The following XKR4 variants were observed in gnomAD, a reference collection of about 807,000 sequenced individuals.
XKR4 encodes XK-related protein 4.
In XKR4, 12 loss-of-function variants were observed where a neutral mutation model predicts 53.9. The observed-to-expected ratio is 0.22, with a 90% confidence interval of 0.14 to 0.36. The LOEUF is 0.36. XKR4 is among the 10% of genes least tolerant of loss of function. The pLI is 1.00. For synonymous variants in XKR4, 354 were observed against 362.4 expected, an observed-to-expected ratio of 0.98 and a Z score of 0.26; for missense variants, 799 against 859.5, an observed-to-expected ratio of 0.93 and a Z score of 0.88.
intron 1 of XKR4, among the ~76,000 whole-genome samples, chr8:55,279,394 T>G (rs1488168127): frequency 6.6e-6 from 1 of 152,162 alleles, no homozygotes; most frequent in East Asian, 1.9e-4. Context: ...TGGGAGCACT[T>G]TCAGTGGCTC....
intron 2 of XKR4, chr8:55,450,942 C>T (rs1201665162): frequency 4.1e-6 from 2 of 492,622 alleles, no homozygotes; most frequent in African/African-American, 4.0e-5. Context: ...CTCCAGCAAG[C>T]GCAGGAAGGA....
chr8:55,308,542 G>T (rs1465621126), intron 1 of XKR4, among the ~76,000 whole-genome samples: 40 of 146,562 alleles, frequency 2.7e-4, no homozygotes, highest in South Asian at 1.3e-3. Flanking sequence ...CCTCCCACCA[G>T]GTCCCTCCCT....
intron 1 of XKR4, among the ~76,000 whole-genome samples, chr8:55,130,305 C>T (rs1816536376): frequency 6.6e-6 from 1 of 152,210 alleles, no homozygotes; most frequent in Non-Finnish European, 1.5e-5. Flanking sequence ...ACAGAGTGTT[C>T]TGCTAAGGTG....
At chr8:55,323,968 C>G (rs1251744741) in intron 1 of XKR4, among the ~76,000 whole-genome samples, 2 of 151,870 alleles carry the variant, frequency 1.3e-5, no homozygotes, top group African/African-American at 4.8e-5. Flanking sequence ...TGCTTTCATT[C>G]CTCTGCTAGG....
chr8:55,155,967 C>T (rs1322915931), intron 1 of XKR4, among the ~76,000 whole-genome samples: 3 of 152,166 alleles, frequency 2.0e-5, no homozygotes, highest in South Asian at 2.1e-4. Context: ...CAAGAACTCA[C>T]ACACAAAAAA....
intron 1 of XKR4, among the ~76,000 whole-genome samples, chr8:55,236,642 C>T (rs1818131320): frequency 6.6e-6 from 1 of 152,208 alleles, no homozygotes; most frequent in Non-Finnish European, 1.5e-5. Flanking sequence ...CCTCTGTCAT[C>T]ACACCTGCCC....
At chr8:55,399,089 G>A (rs910806840) in intron 2 of XKR4, among the ~76,000 whole-genome samples, 2 of 152,220 alleles carry the variant, frequency 1.3e-5, no homozygotes, top group African/African-American at 2.4e-5. Flanking sequence ...AGTAGCGAGT[G>A]TTGTTCTTTA....
intron 1 of XKR4, among the ~76,000 whole-genome samples, chr8:55,181,451 T>C (rs1468862359): frequency 3.3e-5 from 5 of 152,192 alleles, no homozygotes; most frequent in Non-Finnish European, 7.3e-5. Context: ...CTGTCCTCCT[T>C]CCTTTCATCC....
In XKR4 at chr8:55,299,009, T is replaced by C. The variant is rs1338267241; in HGVS notation, c.807-58669T>C. Among the ~76,000 whole-genome samples the C allele has an allele frequency of 3.9e-5, 6 of 152,180 alleles. No homozygotes were observed. The East Asian group carries it at 1.2e-3, about 29-fold the overall frequency. On this transcript the variant is annotated intron_variant, in intron 1 of 2. Transcript: ENST00000327381. ...TCTGATTTACAGTCCACATTCTATG[T>C]TGTCAATTGTCTGGCCCTTCCTTAC...
rs746238764 is a variant in XKR4, at chr8:55,523,480, G to A, written c.1206G>A (p.Gly402=). The change falls in exon 3 of 3, where the codon GGG becomes GGA. Residue 402 remains glycine (G), a synonymous_variant. Transcript: ENST00000327381. The stretch of plus-strand genomic sequence containing the variant: ...CCTCGGTTTTCCAGCTGTACTTTGG[G>A]ATCTTCATCGTCCTTCACTGGTGCA... ...LFASVFQLYF[G]IFIVLHWCIM... is the part of the protein sequence containing the mutation. The A allele has an allele frequency of 6.2e-7, 1 of 1,614,186 alleles. No homozygotes were observed. The highest frequency in any genetic ancestry group is 8.5e-7 in the Non-Finnish European group (1 of 1,180,040).
At chr8:55,265,023 G>A (rs1336952372) in intron 1 of XKR4, among the ~76,000 whole-genome samples, 2 of 152,176 alleles carry the variant, frequency 1.3e-5, no homozygotes, top group Non-Finnish European at 2.9e-5. Context: ...CTTAAATTAT[G>A]ACTTTGAAGC....
intron 2 of XKR4, among the ~76,000 whole-genome samples, chr8:55,498,098 T>C (rs1414657685): frequency 6.6e-6 from 1 of 152,216 alleles, no homozygotes; most frequent in Non-Finnish European, 1.5e-5. Flanking sequence ...TGTCTTGATA[T>C]TCTTAATAAT....
Position 55,289,646 on chromosome 8 carries a change from A to AAAGAAAGGAAGGAAGGAAGG in XKR4, c.807-68029_807-68028insAAAGGAAGGAAGGAAGGAAG, listed in dbSNP as rs1221597017. On this transcript the variant is annotated intron_variant, in intron 1 of 2. Transcript: ENST00000327381. ...GAAAGAAAGAAAGAAAGAAAGAAAG[A>AAAGAAAGGAAGGAAGGAAGG]AAGGAAGGAAGGAAAAGAAAAGAAA... 6.1e-4 allele frequency among the ~76,000 whole-genome samples: 53 copies of AAAGAAAGGAAGGAAGGAAGG among 86,990 alleles called. 1 individual carries two copies. The highest frequency in any genetic ancestry group is 2.5e-3 in the African/African-American group (45 of 17,734). 57.1% of individuals were successfully genotyped at this position (86,990 alleles called of 152,430 possible).
intron 1 of XKR4, among the ~76,000 whole-genome samples, chr8:55,136,047 C>T (rs1816624562): frequency 6.6e-6 from 1 of 152,094 alleles, no homozygotes; most frequent in East Asian, 1.9e-4. Flanking sequence ...GTGCACACCA[C>T]CATACCTGGC....
chr8:55,183,112 C>T (rs1817335377), intron 1 of XKR4, among the ~76,000 whole-genome samples: 1 of 151,814 alleles, frequency 6.6e-6, no homozygotes, highest in Admixed American at 6.6e-5. Context: ...CTTTTTTTAT[C>T]CCCAAGATTA....
rs543631188 is a variant in XKR4 at position 55,501,529 on chromosome 8, G to A, written c.1007-21752G>A. Among the ~76,000 whole-genome samples the A allele has an allele frequency of 2.3e-3, 343 of 152,186 alleles. 4 individuals are homozygous for A. Among genetic ancestry groups the A allele is most frequent in the African/African-American group, 7.7e-3 (320 of 41,516 alleles). Reference sequence around the variant, plus strand: ...CTCTATGAATATGACTACTCTAGGTGCCTCATAGAAGTGGAATCATGCCAT... The same window carrying A: ...CTCTATGAATATGACTACTCTAGGTACCTCATAGAAGTGGAATCATGCCAT... On this transcript the variant is annotated intron_variant, in intron 2 of 2. Transcript: ENST00000327381.
At chr8:55,103,967 A>G (rs1816101824) in intron 1 of XKR4, among the ~76,000 whole-genome samples, 1 of 150,044 alleles carries the variant, frequency 6.7e-6, no homozygotes, top group African/African-American at 2.4e-5. Flanking sequence ...TTATCTTGCA[A>G]TATCTCCATA....
intron 1 of XKR4, among the ~76,000 whole-genome samples, chr8:55,269,156 G>A (rs1168553846): frequency 2.0e-5 from 3 of 152,050 alleles, no homozygotes; most frequent in Non-Finnish European, 4.4e-5. Flanking sequence ...TCTAAATAAA[G>A]CCCAGATGAA....
At chr8:55,400,474 A>C (rs1242382311) in intron 2 of XKR4, among the ~76,000 whole-genome samples, 1 of 152,212 alleles carries the variant, frequency 6.6e-6, no homozygotes, top group African/African-American at 2.4e-5. Flanking sequence ...CTAGCAGTAC[A>C]GGAACCCAAG....
Sources: allele counts gnomAD v4.1 joint callset (sites outside exome capture counted in the v4.1 genomes callset), GRCh38; gene constraint gnomAD v4.1.1; transcripts MANE v1.5; gene names NCBI Gene and HGNC (gene_info 2026-07-23, HGNC 2026-07-21).